The following RUBCNL variants were observed in gnomAD, a reference collection of about 807,000 sequenced individuals.
RUBCNL encodes rubicon like autophagy enhancer.
In RUBCNL, 62 loss-of-function variants were observed where a neutral mutation model predicts 69.5. That is an observed-to-expected ratio of 0.89 (90% CI 0.73 to 1.10). The LOEUF is 1.10. RUBCNL is among the 50% of genes least tolerant of loss of function. RUBCNL has a pLI of 0.00. For missense variants in RUBCNL, 768 were observed against 798.1 expected, an observed-to-expected ratio of 0.96 and a Z score of 0.45; for synonymous variants, 291 against 303.6, an observed-to-expected ratio of 0.96 and a Z score of 0.43.
At chr13:46,370,917 G>GAAA (rs34771125) in intron 3 of RUBCNL, among the ~76,000 whole-genome samples, 3 of 116,064 alleles carry the variant, frequency 2.6e-5, no homozygotes, top group South Asian at 2.7e-4. Context: ...AAAAAAATAG[G>GAAA]AAAAAAAAAA....
chr13:46,335,260 G>GTTT lies in RUBCNL; in HGVS notation c.*8122_*8124dup, dbSNP rs764458781. Among the ~76,000 whole-genome samples the GTTT allele has an allele frequency of 1.1e-3, 109 of 101,834 alleles. No individual in the cohort carries two copies. Among genetic ancestry groups the GTTT allele is most frequent in the Middle Eastern group, 4.8e-3 (1 of 208 alleles). 66.8% of individuals were successfully genotyped at this position (101,834 alleles called of 152,430 possible). A position where few individuals can be genotyped will look rare whatever the true frequency, so the allele number is the denominator to read the frequency against. ...GTGTCTTTTTGTTGTTGTTGTTGTT[G>GTTT]TTTTTTTTTTTTTTTTTTTTTTTTT... is the stretch of plus-strand genomic sequence containing the variant. On this transcript the variant is annotated 3_prime_UTR_variant, in exon 15 of 15. Transcript: ENST00000429979.
chr13:46,373,977 T>C (rs2048934571), intron 2 of RUBCNL, among the ~76,000 whole-genome samples: 1 of 152,274 alleles, frequency 6.6e-6, no homozygotes, highest in South Asian at 2.1e-4. Context: ...GAGTCATTTC[T>C]GATCCTATCT....
chr13:46,384,662 A>G (rs1022877478), intron 1 of RUBCNL, among the ~76,000 whole-genome samples: 6 of 152,334 alleles, frequency 3.9e-5, no homozygotes, highest in Non-Finnish European at 8.8e-5. Flanking sequence ...ACAATTTTTC[A>G]ACATAATTGT....
At chr13:46,370,753 C>T (rs2138797333) in intron 3 of RUBCNL, among the ~76,000 whole-genome samples, 1 of 152,234 alleles carries the variant, frequency 6.6e-6, no homozygotes, top group Non-Finnish European at 1.5e-5. Flanking sequence ...CCCCAAAGAT[C>T]ATCTTCAGTT....
chr13:46,372,617 A>G lies in RUBCNL; in HGVS notation c.-122-20T>C. The G allele has an allele frequency of 4.9e-6, 7 of 1,431,052 alleles. No homozygotes were observed. The highest frequency in any genetic ancestry group is 6.4e-6 in the Non-Finnish European group (7 of 1,096,190). The allele number at this position is 1,431,052 out of a possible 1,614,324, so 88.6% of individuals were successfully genotyped here. On this transcript the variant is annotated intron_variant, in intron 2 of 14. Coordinates refer to ENST00000429979, the MANE Select transcript of RUBCNL (RefSeq NM_025113.5). ...GCTATTCTGCAATGAGCAAGGAATC[A>G]TTCAAAATAAGTAAGAATTCAATTG...
At chr13:46,383,837 C>T (rs2049174861) in intron 1 of RUBCNL, among the ~76,000 whole-genome samples, 1 of 152,204 alleles carries the variant, frequency 6.6e-6, no homozygotes, top group African/African-American at 2.4e-5. Flanking sequence ...ATTGTTTCTG[C>T]TATACTAAGA....
At chr13:46,368,695 A>G in intron 4 of RUBCNL, 38 bp downstream of exon 4, 1 of 1,539,600 alleles carries the variant, frequency 6.5e-7, no homozygotes, top group Non-Finnish European at 8.9e-7. Flanking sequence ...CTAAAGGATT[A>G]AGACTCTATG....
At position 46,335,272 on chromosome 13, in the gene RUBCNL, T is replaced by TG. The variant is rs1288068416; in HGVS notation, c.*8112_*8113insC. 6.2e-4 allele frequency among the ~76,000 whole-genome samples: 67 copies of TG among 108,824 alleles called. No individual in the cohort carries two copies. The highest frequency in any genetic ancestry group is 1.8e-3 in the African/African-American group (64 of 35,038). The allele number at this position is 108,824 out of a possible 152,430, so 71.4% of individuals were successfully genotyped here. ...TGTTGTTGTTGTTGTTTTTTTTTTTTTTTTTTTTTTTTTAAGAGACAGGGT... is the reference window on the plus strand; with the variant it reads ...TGTTGTTGTTGTTGTTTTTTTTTTTTGTTTTTTTTTTTTTAAGAGACAGGGT... On this transcript the variant is annotated 3_prime_UTR_variant, in exon 15 of 15. Transcript: ENST00000429979.
At position 46,350,223 on chromosome 13, in the gene RUBCNL, T is replaced by C; in HGVS notation, c.1459A>G (p.Ser487Gly). 1 of 1,593,940 alleles carries C rather than the reference T, an allele frequency of 6.3e-7. No homozygotes were observed. ...TCGAGCAGCTGTTTGGAGAAATTGCTGACGTAGTACTTCTTGAAGTCCCAC... is the reference window on the plus strand; with the variant it reads ...TCGAGCAGCTGTTTGGAGAAATTGCCGACGTAGTACTTCTTGAAGTCCCAC... ...MMWDFKKYYV[S>G]NFSKQLLDSI... is the part of the protein sequence containing the mutation. Residue 487 changes from serine (S) to glycine (G), a missense_variant, in exon 11 of 15, where the codon AGC becomes GGC. Coordinates refer to ENST00000429979, the MANE Select transcript of RUBCNL (RefSeq NM_025113.5).
chr13:46,362,955 T>TAG (rs1419537577), intron 6 of RUBCNL, among the ~76,000 whole-genome samples, 160 bp downstream of exon 6: 3 of 69,504 alleles, frequency 4.3e-5, no homozygotes, highest in Non-Finnish European at 7.9e-5. Context: ...TATATATATA[T>TAG]ATATATATAT....
chr13:46,371,918 G>C, intron 3 of RUBCNL, 23 bp downstream of exon 3: 1 of 1,610,982 alleles, frequency 6.2e-7, no homozygotes, highest in South Asian at 1.1e-5. Flanking sequence ...AGAGGAATGA[G>C]GGAGGTCACC....
chr13:46,388,496 A>G (rs1016317058), upstream of RUBCNL, among the ~76,000 whole-genome samples: 1 of 151,154 alleles, frequency 6.6e-6, no homozygotes, highest in Non-Finnish European at 1.5e-5. Context: ...CAAGGAAGGA[A>G]GGAAGGAAAG....
chr13:46,383,185 A>G (rs1051642920), intron 1 of RUBCNL, among the ~76,000 whole-genome samples: 2 of 152,160 alleles, frequency 1.3e-5, no homozygotes, highest in African/African-American at 2.4e-5. Flanking sequence ...ATTCCCGTTT[A>G]AGTTTTCTAA....
At chr13:46,374,075 C>T (rs182952471) in intron 2 of RUBCNL, among the ~76,000 whole-genome samples, 46 of 152,310 alleles carry the variant, frequency 3.0e-4, no homozygotes, top group Admixed American at 7.8e-4. Context: ...CACACCTGGA[C>T]GTGCAGCCAT....
At chr13:46,349,233 AG>A in intron 12 of RUBCNL, 52 bp downstream of exon 12, 1 of 1,502,988 alleles carries the variant, frequency 6.7e-7, no homozygotes, top group East Asian at 2.3e-5. Flanking sequence ...AGGCACTAAT[AG>A]GATTAGCAGA....
intron 10 of RUBCNL, chr13:46,354,668 A>T (rs935601682): frequency 2.4e-6 from 1 of 415,236 alleles, no homozygotes; most frequent in African/African-American, 2.0e-5. Context: ...TCTTACTCCC[A>T]GCTTCTCAAG....
chr13:46,349,228 C>T (rs2048315408), intron 12 of RUBCNL, 58 bp downstream of exon 12: 1 of 1,468,584 alleles, frequency 6.8e-7, no homozygotes, highest in Admixed American at 1.7e-5. Context: ...GCAGGAGGCA[C>T]TAATAGGATT....
rs1036701039 is a variant in RUBCNL at position 46,342,295 on chromosome 13, G to A, written c.*1090C>T. ...TGTGCTGTCTGAGAAAATCAAGGTA[G>A]GTTTAGTTAGGGCATGTGAATCCCA... is the stretch of plus-strand genomic sequence containing the variant. On this transcript the variant is annotated 3_prime_UTR_variant, in exon 15 of 15. Coordinates refer to ENST00000429979, the MANE Select transcript of RUBCNL (RefSeq NM_025113.5). 6.6e-6 allele frequency: 1 copy of A among 152,180 alleles called. No individual in the cohort carries two copies. The highest frequency in any genetic ancestry group is 1.5e-5 in the Non-Finnish European group (1 of 68,062). The allele number at this position is 152,180 out of a possible 1,614,324, so 9.4% of individuals were successfully genotyped here. A position where few individuals can be genotyped will look rare whatever the true frequency, so the allele number is the denominator to read the frequency against.
chr13:46,359,228 C>T lies in RUBCNL; in HGVS notation c.1265+258G>A, dbSNP rs563938077. 2.0e-5 allele frequency among the ~76,000 whole-genome samples: 3 copies of T among 151,282 alleles called. 1 individual carries two copies. The East Asian group carries it at 5.8e-4, about 29-fold the overall frequency. ...GCCTATTTAATTTTCAGTTGCTACGCAATATTGACAATTAGGGTTGCATAG... is the reference window on the plus strand; with the variant it reads ...GCCTATTTAATTTTCAGTTGCTACGTAATATTGACAATTAGGGTTGCATAG... On this transcript the variant is annotated intron_variant, in intron 9 of 14. Coordinates refer to ENST00000429979, the MANE Select transcript of RUBCNL (RefSeq NM_025113.5).
Sources: allele counts gnomAD v4.1 joint callset (sites outside exome capture counted in the v4.1 genomes callset), GRCh38; gene constraint gnomAD v4.1.1; transcripts MANE v1.5; gene names NCBI Gene and HGNC (gene_info 2026-07-23, HGNC 2026-07-21).